Variants in CAMSAP1 observed in about 807,000 individuals in gnomAD.
The protein encoded by CAMSAP1 is calmodulin-regulated spectrin-associated protein 1.
CAMSAP1 carries 58 observed loss-of-function variants against 143.5 expected under a neutral mutation model. That is an observed-to-expected ratio of 0.40 (90% CI 0.33 to 0.50). The LOEUF is 0.50. Ranked by LOEUF, CAMSAP1 falls within the 20% of genes least tolerant of loss-of-function variation. The probability of loss-of-function intolerance (pLI) is 0.45; values close to 1 mark genes in which losing one functional copy is unlikely to be tolerated. For missense variants in CAMSAP1, 1,969 were observed against 2,115.7 expected (o/e 0.93, Z 1.36); for synonymous variants, 945 against 859.3 (o/e 1.10, Z -1.74).
chr9:135,850,510 CGA>C (rs199548741), intron 5 of CAMSAP1, 49 bp from the exon 6 acceptor site: 282 of 1,437,812 alleles, frequency 2.0e-4, no homozygotes, highest in South Asian at 4.0e-4. Context: ...TATTCTGCTT[CGA>C]GAGAGAGAGA....
chr9:135,830,969 A>G (rs950846736), intron 7 of CAMSAP1, among the ~76,000 whole-genome samples: 3 of 152,062 alleles, frequency 2.0e-5, no homozygotes, highest in Non-Finnish European at 4.4e-5. Flanking sequence ...TCAGGAGTTC[A>G]AGACCAGCCT....
At chr9:135,881,275 T>G (rs1157306763) in intron 3 of CAMSAP1, among the ~76,000 whole-genome samples, 2 of 151,632 alleles carry the variant, frequency 1.3e-5, no homozygotes, top group East Asian at 3.9e-4. Context: ...GAGGATCACT[T>G]GGAGCCTGGG....
At chr9:135,870,399 G>A (rs561435335) in intron 3 of CAMSAP1, among the ~76,000 whole-genome samples, 106 of 152,306 alleles carry the variant, frequency 7.0e-4, no homozygotes, top group South Asian at 4.8e-3. Context: ...ATGTGGAACT[G>A]AGTCAATTAA....
At chr9:135,903,413 A>G (rs973245736) in intron 1 of CAMSAP1, among the ~76,000 whole-genome samples, 14 of 152,262 alleles carry the variant, frequency 9.2e-5, no homozygotes, top group African/African-American at 3.1e-4. Flanking sequence ...ATAAAAGCCC[A>G]AGGCGGCCAC....
intron 1 of CAMSAP1, among the ~76,000 whole-genome samples, chr9:135,888,458 T>C (rs1838193497): frequency 6.6e-6 from 1 of 152,084 alleles, no homozygotes; most frequent in South Asian, 2.1e-4. Flanking sequence ...TAAAGCCAGC[T>C]ACTCCCGTAG....
rs1039954745 is a variant in CAMSAP1, at chr9:135,889,668, C to T, written c.161-6590G>A. ...CATCTCATGAGCGCAGTGACAGAGACCTCACTGGGCCAGGAGGCAGACACT... is the reference window on the plus strand; with the variant it reads ...CATCTCATGAGCGCAGTGACAGAGATCTCACTGGGCCAGGAGGCAGACACT... On this transcript the variant is annotated intron_variant, in intron 1 of 16. Coordinates refer to ENST00000389532, the MANE Select transcript of CAMSAP1 (RefSeq NM_015447.4). Among the ~76,000 whole-genome samples the T allele has an allele frequency of 3.9e-5, 6 of 152,352 alleles. 1 individual carries two copies. Among genetic ancestry groups the T allele is most frequent in the Admixed American group, 2.6e-4 (4 of 15,304 alleles).
chr9:135,837,889 C>T (rs1032362745), intron 7 of CAMSAP1, among the ~76,000 whole-genome samples: 66 of 151,134 alleles, frequency 4.4e-4, no homozygotes, highest in Non-Finnish European at 8.1e-4. Flanking sequence ...ACTTTCTACC[C>T]GTTCTACAGA....
chr9:135,821,494 G>C lies in CAMSAP1; in HGVS notation c.3167C>G (p.Pro1056Arg). 6.2e-7 allele frequency: 1 copy of C among 1,614,060 alleles called. No individual in the cohort carries two copies. The highest frequency in any genetic ancestry group is 8.5e-7 in the Non-Finnish European group (1 of 1,179,892). ...EQLLMKSPTV[P>R]VPGSKNNSQD... ...CGAGTTATTCTTAGAGCCTGGCACT[G>C]GGACTGTGGGGGACTTCATCAGAAG... The change falls in exon 11 of 17, where the codon CCA becomes CGA. Residue 1056 changes from proline to arginine, a missense_variant. Pro to Arg is a moderately radical substitution (Grantham distance 103). Coordinates refer to ENST00000389532, the MANE Select transcript of CAMSAP1 (RefSeq NM_015447.4). This position sits in a 1 kb window ranked among gnomAD's most constrained non-coding sequence, Gnocchi z 4.6.
Position 135,880,321 on chromosome 9 carries a change from G to A in CAMSAP1, c.585+1312C>T, listed in dbSNP as rs913615904. Among the ~76,000 whole-genome samples the A allele has an allele frequency of 8.5e-5, 13 of 152,048 alleles. No individual in the cohort carries two copies. The East Asian group carries it at 1.4e-3, about 16-fold the overall frequency. On this transcript the variant is annotated intron_variant, in intron 3 of 16. Coordinates refer to ENST00000389532, the MANE Select transcript of CAMSAP1 (RefSeq NM_015447.4). Reference sequence around the variant, plus strand: ...GAGCCAGGGATGAGTGAGACATGGCGCTCACCACCAAGAGGCGTCCTCATG... The same window carrying A: ...GAGCCAGGGATGAGTGAGACATGGCACTCACCACCAAGAGGCGTCCTCATG...
rs549390978 is a variant in CAMSAP1, at chr9:135,888,171, G to A, written c.161-5093C>T. Reference sequence around the variant, plus strand: ...CTGAACCCTGGCCCCCTACCTGTCCGTTCCGAACAACGAAAGGGTCTATCT... The same window carrying A: ...CTGAACCCTGGCCCCCTACCTGTCCATTCCGAACAACGAAAGGGTCTATCT... On this transcript the variant is annotated intron_variant, in intron 1 of 16. Transcript: ENST00000389532. Among the ~76,000 whole-genome samples, 15 of 152,332 alleles carry A rather than the reference G, an allele frequency of 9.8e-5. No individual in the cohort carries two copies. In the East Asian group the frequency reaches 1.4e-3, roughly 14 times the overall value.
chr9:135,897,945 G>C (rs550156918), intron 1 of CAMSAP1, among the ~76,000 whole-genome samples: 2 of 152,132 alleles, frequency 1.3e-5, no homozygotes, highest in East Asian at 3.9e-4. Flanking sequence ...AGTTATCAAA[G>C]GAAATTTTTA....
In CAMSAP1 at chr9:135,886,876, A is replaced by C. The variant is rs551331274; in HGVS notation, c.161-3798T>G. ...CCTGTGCCTGATGCAGTACGACAAA[A>C]ACACCAAACTTATAATTCCTGCCAG... On this transcript the variant is annotated intron_variant, in intron 1 of 16. Transcript: ENST00000389532. Among the ~76,000 whole-genome samples, 13 of 152,328 alleles carry C rather than the reference A, an allele frequency of 8.5e-5. No individual in the cohort carries two copies. In the South Asian group the frequency reaches 2.5e-3, roughly 29 times the overall value.
intron 4 of CAMSAP1, among the ~76,000 whole-genome samples, chr9:135,864,172 T>G (rs1837293360): frequency 6.6e-6 from 1 of 152,214 alleles, no homozygotes; most frequent in South Asian, 2.1e-4. Context: ...CCCACCACCC[T>G]TGGTAACATG....
intron 3 of CAMSAP1, among the ~76,000 whole-genome samples, chr9:135,868,609 ATTTTTTTTTTTTT>A (rs767495608): frequency 1.1e-4 from 10 of 93,476 alleles, no homozygotes; most frequent in East Asian, 3.3e-4. Flanking sequence ...GAGATTGGCA[ATTTTTTTTTTTTT>A]TTTTTTTTTT....
chr9:135,880,530 A>G (rs1171258535), intron 3 of CAMSAP1, among the ~76,000 whole-genome samples: 1 of 152,176 alleles, frequency 6.6e-6, no homozygotes, highest in Non-Finnish European at 1.5e-5. Context: ...GTAGGAAAAC[A>G]GCTCAAGAGC....
At chr9:135,857,180 C>A (rs1439802453) in intron 5 of CAMSAP1, among the ~76,000 whole-genome samples, 1 of 152,242 alleles carries the variant, frequency 6.6e-6, no homozygotes, top group Non-Finnish European at 1.5e-5. Flanking sequence ...TTCCTACTTA[C>A]CACGCATGTC....
intron 1 of CAMSAP1, among the ~76,000 whole-genome samples, chr9:135,883,611 A>G (rs1254140337): frequency 6.6e-6 from 1 of 152,238 alleles, no homozygotes; most frequent in African/African-American, 2.4e-5. Flanking sequence ...TGGTCTTTAC[A>G]GAAGAGGGAG....
chr9:135,815,308 G>T, intron 15 of CAMSAP1, 93 bp from the exon 16 acceptor site: 1 of 646,650 alleles, frequency 1.5e-6, no homozygotes, highest in Non-Finnish European at 2.6e-6. Context: ...AGCAAGCAAT[G>T]GGTAGGCTGA....
chr9:135,829,327 C>A (rs1835776263), intron 7 of CAMSAP1, among the ~76,000 whole-genome samples: 2 of 150,962 alleles, frequency 1.3e-5, no homozygotes, highest in Non-Finnish European at 2.9e-5. Flanking sequence ...CACAGCAAGA[C>A]CTCATCTCTA....
Sources: allele counts gnomAD v4.1 joint callset (sites outside exome capture counted in the v4.1 genomes callset), GRCh38; gene constraint gnomAD v4.1.1; non-coding constraint Gnocchi (gnomAD v3.1); transcripts MANE v1.5; gene names NCBI Gene and HGNC (gene_info 2026-07-23, HGNC 2026-07-21).